The following FLNB variants were observed in gnomAD, a reference collection of about 807,000 sequenced individuals.
The protein encoded by FLNB is filamin-B.
In FLNB, 111 loss-of-function variants were observed where a neutral mutation model predicts 250.6. The ratio of observed to expected loss-of-function variants is 0.44; its 90% CI spans 0.38 to 0.52. The LOEUF (loss-of-function observed/expected upper bound fraction) is 0.52. Among genes scored for constraint, FLNB ranks in the 20% least tolerant of loss-of-function variants. FLNB has a pLI of 0.00. For synonymous variants in FLNB, 1,302 were observed against 1,372.1 expected (o/e 0.95, Z 1.13); for missense variants, 2,869 against 3,447.8 (o/e 0.83, Z 4.20).
rs756868384 is a variant in FLNB, at chr3:58,169,807, C to A, written c.7621+14C>A. 2 of 1,582,232 alleles carry A rather than the reference C, an allele frequency of 1.3e-6. No individual in the cohort carries two copies. The highest frequency in any genetic ancestry group is 3.4e-5 in the Admixed American group (2 of 59,568). Reference sequence around the variant, plus strand: ...GCAGCAAAGCTGGTAGGTGTCTGGGCCTTTTCAAGGGTGGGGTGGGGCAGG... The same window carrying A: ...GCAGCAAAGCTGGTAGGTGTCTGGGACTTTTCAAGGGTGGGGTGGGGCAGG... On this transcript the variant is annotated intron_variant, in intron 45 of 45. Coordinates refer to ENST00000295956, the MANE Select transcript of FLNB (RefSeq NM_001457.4). The surrounding 1 kb of genome is among the most constrained non-coding windows in gnomAD (Gnocchi z 4.8).
At position 58,121,311 on chromosome 3, in the gene FLNB, C is replaced by T. The variant is rs766960994; in HGVS notation, c.2934C>T (p.Asp978=). The change falls in exon 20 of 46, where the codon GAC becomes GAT. Residue 978 remains aspartate (D), a synonymous_variant. Transcript: ENST00000295956. ...TRGAGGQGKL[D]VTILSPSRKV... is the part of the protein sequence containing the mutation. ...GGGCAGGAGGCCAGGGGAAGCTGGA[C>T]GTGACAATCCTCAGCCCCTCTCGGA... 4.2e-5 allele frequency: 67 copies of T among 1,613,988 alleles called. No individual in the cohort carries two copies. Among genetic ancestry groups the T allele is most frequent in the Non-Finnish European group, 5.3e-5 (63 of 1,180,018 alleles).
intron 39 of FLNB, 149 bp from the exon 40 acceptor site, chr3:58,154,642 T>C (rs954639513): frequency 3.9e-6 from 3 of 773,420 alleles, no homozygotes; most frequent in Non-Finnish European, 4.4e-6. Context: ...CAATGGACCT[T>C]GGACCTTGCT....
intron 1 of FLNB, among the ~76,000 whole-genome samples, chr3:58,021,950 A>T (rs1559640769): frequency 1.3e-5 from 2 of 151,828 alleles, no homozygotes; most frequent in Non-Finnish European, 2.9e-5. Flanking sequence ...CTAATTTTGT[A>T]TTTTTTGTAG....
At chr3:58,113,089 T>C (rs1175285420) in intron 18 of FLNB, among the ~76,000 whole-genome samples, 1 of 152,232 alleles carries the variant, frequency 6.6e-6, no homozygotes, top group African/African-American at 2.4e-5. Flanking sequence ...AAGTGTATAG[T>C]TCATTAGTGT....
chr3:58,155,171 G>T (rs913523654), intron 40 of FLNB, among the ~76,000 whole-genome samples: 2 of 152,166 alleles, frequency 1.3e-5, no homozygotes, highest in African/African-American at 4.8e-5. Flanking sequence ...TCATTCAATT[G>T]CTCCATTCTT....
chr3:58,063,414 C>A (rs147160614), intron 1 of FLNB, among the ~76,000 whole-genome samples: 1 of 152,260 alleles, frequency 6.6e-6, no homozygotes, highest in Non-Finnish European at 1.5e-5. Flanking sequence ...TGGAGGCCTC[C>A]TCACATAATT....
intron 1 of FLNB, among the ~76,000 whole-genome samples, chr3:58,032,502 T>C (rs757222857): frequency 1.3e-5 from 2 of 152,172 alleles, no homozygotes; most frequent in African/African-American, 2.4e-5. Flanking sequence ...CAATAGCTTT[T>C]TGTCTGAGCA....
At position 58,126,744 on chromosome 3, in the gene FLNB, G is replaced by A; in HGVS notation, c.4204G>A (p.Gly1402Arg). 6.2e-7 allele frequency: 1 copy of A among 1,613,780 alleles called. No individual in the cohort carries two copies. The highest frequency in any genetic ancestry group is 1.1e-5 in the South Asian group (1 of 91,066). The change falls in exon 24 of 46, where the codon GGA (glycine) becomes AGA (arginine). Residue 1402 changes from glycine to arginine, a missense_variant. By Grantham distance (125) the Gly-to-Arg change is moderately radical. Transcript: ENST00000295956. ...PGDYDVNITY[G>R]GAHIPGSPFR... ...GGATTACGATGTTAATATCACATAT[G>A]GAGGAGCCCACATCCCCGGTGAGCT... is the stretch of plus-strand genomic sequence containing the variant.
intron 4 of FLNB, among the ~76,000 whole-genome samples, chr3:58,085,047 G>A (rs1250118432): frequency 6.6e-6 from 1 of 152,126 alleles, no homozygotes; most frequent in African/African-American, 2.4e-5. Flanking sequence ...CTTTGTACGT[G>A]TATATCACAT....
chr3:58,161,783 T>C (rs2097362186), intron 42 of FLNB, among the ~76,000 whole-genome samples: 2 of 151,582 alleles, frequency 1.3e-5, no homozygotes, highest in South Asian at 2.1e-4. Flanking sequence ...CAGGATGGCC[T>C]TCCTCTTGGT....
In FLNB at chr3:58,123,281, G is replaced by A. The variant is rs2097292113; in HGVS notation, c.3315G>A (p.Gly1105=). 2 of 1,614,104 alleles carry A rather than the reference G, an allele frequency of 1.2e-6. No homozygotes were observed. Among genetic ancestry groups the A allele is most frequent in the Non-Finnish European group, 1.7e-6 (2 of 1,180,030 alleles). Residue 1105 remains glycine, a synonymous_variant, in exon 21 of 46, where the codon GGG becomes GGA. Coordinates refer to ENST00000295956, the MANE Select transcript of FLNB (RefSeq NM_001457.4). ...TCTCTTACCTTCCCACAAAACCCGGGGAGTACTTCGTCAACATCCTCTTTG... is the reference window on the plus strand; with the variant it reads ...TCTCTTACCTTCCCACAAAACCCGGAGAGTACTTCGTCAACATCCTCTTTG... The part of the protein sequence containing the change: ...CSVSYLPTKP[G]EYFVNILFEE...
intron 18 of FLNB, among the ~76,000 whole-genome samples, chr3:58,118,092 C>T (rs1055375242): frequency 4.6e-5 from 7 of 152,186 alleles, no homozygotes; most frequent in African/African-American, 1.7e-4. Context: ...GAGAAGAAGC[C>T]GGCTGTGTGC....
At chr3:58,148,171 T>G (rs965250845) in intron 34 of FLNB, 35 bp from the exon 35 acceptor site, 1 of 1,613,044 alleles carries the variant, frequency 6.2e-7, no homozygotes, top group Non-Finnish European at 8.5e-7. Flanking sequence ...GGTAACCACA[T>G]GTAACGGGAG....
intron 22 of FLNB, among the ~76,000 whole-genome samples, chr3:58,124,793 ATTTC>A (rs2097294951): frequency 6.6e-6 from 1 of 152,244 alleles, no homozygotes; most frequent in East Asian, 1.9e-4. Flanking sequence ...TTGCGTATGA[ATTTC>A]TTTCTTCTTG....
At chr3:58,147,709 G>A (rs1225456127) in intron 34 of FLNB, among the ~76,000 whole-genome samples, 1 of 152,172 alleles carries the variant, frequency 6.6e-6, no homozygotes, top group Non-Finnish European at 1.5e-5. Flanking sequence ...ACCCAGGCTG[G>A]AGTTTTAGTG....
At chr3:58,056,491 T>C (rs1466764373) in intron 1 of FLNB, among the ~76,000 whole-genome samples, 1 of 152,122 alleles carries the variant, frequency 6.6e-6, no homozygotes, top group Non-Finnish European at 1.5e-5. Context: ...TTAAAAAAAG[T>C]GTGTTGGTGT....
In FLNB at chr3:58,102,255, C is replaced by A. The variant is rs369946402; in HGVS notation, c.1398C>A (p.Gly466=). The change falls in exon 9 of 46, where the codon GGC becomes GGA. Residue 466 remains glycine (G), a synonymous_variant. Transcript: ENST00000295956. ...GTGGCCGAGGCCTACAACCCAAAGGCGTCCGTATCCGGGAGACCACAGATT... is the reference window on the plus strand; with the variant it reads ...GTGGCCGAGGCCTACAACCCAAAGGAGTCCGTATCCGGGAGACCACAGATT... ...RASGRGLQPK[G]VRIRETTDFK... The A allele has an allele frequency of 1.9e-6, 3 of 1,614,190 alleles. No homozygotes were observed. The Admixed American group carries it at 5.0e-5, about 27-fold the overall frequency.
intron 1 of FLNB, among the ~76,000 whole-genome samples, chr3:58,032,723 G>A (rs1468516815): frequency 6.6e-6 from 1 of 152,134 alleles, no homozygotes; most frequent in Non-Finnish European, 1.5e-5. Flanking sequence ...GATGTGGTCT[G>A]GTATCCCAGG....
In FLNB at chr3:58,142,628, G is replaced by A. The variant is rs2097328980; in HGVS notation, c.5182-22G>A. The A allele has an allele frequency of 1.3e-6, 2 of 1,597,966 alleles. No homozygotes were observed. Among genetic ancestry groups the A allele is most frequent in the East Asian group, 2.2e-5 (1 of 44,808 alleles). On this transcript the variant is annotated intron_variant, in intron 30 of 45. Transcript: ENST00000295956. The surrounding 1 kb of genome is among the most constrained non-coding windows in gnomAD (Gnocchi z 4.3). ...CCCGCTGTTGTCTGCTTTACCCAGT[G>A]ACCACTGCCTTCTGTTTTTAGGTGA...
Sources: gnomAD v4.1 joint callset for allele counts (sites outside exome capture counted in the v4.1 genomes callset) on GRCh38, gnomAD v4.1.1 for gene constraint, Gnocchi (gnomAD v3.1) non-coding constraint, MANE v1.5 for transcripts, NCBI Gene and HGNC (gene_info 2026-07-23, HGNC 2026-07-21) for gene names.